The following TNNI1 variants were observed in gnomAD, a reference collection of about 807,000 sequenced individuals.
The protein encoded by TNNI1 is troponin I1, slow skeletal type.
In TNNI1, 14 loss-of-function variants were observed where a neutral mutation model predicts 26.7. The observed-to-expected ratio is 0.52, with a 90% CI of 0.35 to 0.82. The LOEUF (loss-of-function observed/expected upper bound fraction) is 0.82. Among genes scored for constraint, TNNI1 ranks in the 40% least tolerant of loss-of-function variants. The probability of loss-of-function intolerance (pLI) is 0.01; values close to 1 mark genes in which losing one functional copy is unlikely to be tolerated. For synonymous variants in TNNI1, 79 were observed against 98.2 expected, an observed-to-expected ratio of 0.80 and a Z score of 1.16; for missense variants, 164 against 257.0, an observed-to-expected ratio of 0.64 and a Z score of 2.47.
intron 1 of TNNI1, among the ~76,000 whole-genome samples, chr1:201,418,415 C>T (rs1004340166): frequency 2.0e-5 from 3 of 150,696 alleles, no homozygotes; most frequent in Admixed American, 6.6e-5. Flanking sequence ...TTACAGTGAG[C>T]CGAGATCGCA....
intron 3 of TNNI1, 21 bp downstream of exon 3, chr1:201,417,095 G>A: frequency 6.2e-7 from 1 of 1,614,094 alleles, no homozygotes; most frequent in Non-Finnish European, 8.5e-7. Context: ...CCAAGACAGA[G>A]ATACCCCAAA....
intron 1 of TNNI1, among the ~76,000 whole-genome samples, chr1:201,419,537 T>A (rs1662819698): frequency 6.6e-6 from 1 of 152,262 alleles, no homozygotes; most frequent in African/African-American, 2.4e-5. Context: ...TTGGACTTGG[T>A]TCAAGAACCT....
intron 3 of TNNI1, among the ~76,000 whole-genome samples, chr1:201,416,753 T>A (rs557402995): frequency 1.3e-5 from 2 of 152,186 alleles, no homozygotes; most frequent in Non-Finnish European, 2.9e-5. Flanking sequence ...TTGCACAGGA[T>A]CAGCTCTGCA....
chr1:201,419,997 G>A (rs1217170651), intron 1 of TNNI1, among the ~76,000 whole-genome samples: 1 of 152,214 alleles, frequency 6.6e-6, no homozygotes, highest in East Asian at 1.9e-4. Flanking sequence ...GCCACCTCCA[G>A]GCCCATCTGT....
chr1:201,405,574 G>C lies in TNNI1; in HGVS notation c.*3679C>G, dbSNP rs911595361. On this transcript the variant is annotated 3_prime_UTR_variant, in exon 9 of 9. Transcript: ENST00000361379. ...ACTTGTGGGGAGTATGACTCACTTC[G>C]CGGGGGGCCATTGTGGCTAATGTTT... The C allele has an allele frequency of 6.5e-6, 1 of 152,734 alleles. No individual in the cohort carries two copies. Among genetic ancestry groups the C allele is most frequent in the African/African-American group, 2.4e-5 (1 of 41,442 alleles). The allele number at this position is 152,734 out of a possible 1,614,324, so 9.5% of individuals were successfully genotyped here. A position where few individuals can be genotyped will look rare whatever the true frequency, so the allele number is the denominator to read the frequency against.
At chr1:201,417,704 G>A (rs144063338) in intron 2 of TNNI1, 79 bp downstream of exon 2, 6 of 1,229,486 alleles carry the variant, frequency 4.9e-6, no homozygotes, top group Non-Finnish European at 6.3e-6. Flanking sequence ...TGAAAACATG[G>A]TGCCTCCACT....
rs570923464 is a variant in TNNI1 at position 201,411,108 on chromosome 1, T to C, written c.456+249A>G. ...CTGGGAACAAGATTTTTACTTCATTTCTCCGTCTGGGGTCTAGCTTTCTTT... is the reference window on the plus strand; with the variant it reads ...CTGGGAACAAGATTTTTACTTCATTCCTCCGTCTGGGGTCTAGCTTTCTTT... On this transcript the variant is annotated intron_variant, in intron 7 of 8. Coordinates refer to ENST00000361379, the MANE Select transcript of TNNI1 (RefSeq NM_003281.4). The surrounding 1 kb of genome is among the most constrained non-coding windows in gnomAD (Gnocchi z 4.6). 2.0e-5 allele frequency among the ~76,000 whole-genome samples: 3 copies of C among 152,312 alleles called. No homozygotes were observed. The East Asian group carries it at 5.8e-4, about 29-fold the overall frequency.
At chr1:201,416,075 T>G (rs966676041) in intron 3 of TNNI1, among the ~76,000 whole-genome samples, 4 of 152,122 alleles carry the variant, frequency 2.6e-5, no homozygotes, top group African/African-American at 9.7e-5. Context: ...TCAAATGTTA[T>G]TCCAGGGTGT....
At chr1:201,420,485 C>T (rs2102374812) in intron 1 of TNNI1, among the ~76,000 whole-genome samples, 2 of 152,306 alleles carry the variant, frequency 1.3e-5, no homozygotes, top group Admixed American at 1.3e-4. Flanking sequence ...TGGGCTTTCC[C>T]TTCCTTGAGG....
chr1:201,420,694 C>T (rs1662841885), intron 1 of TNNI1, among the ~76,000 whole-genome samples: 1 of 152,096 alleles, frequency 6.6e-6, no homozygotes, highest in Non-Finnish European at 1.5e-5. Flanking sequence ...CCCTGCTCCC[C>T]GCCCCCTGAC....
rs573882830 is a variant in TNNI1 at position 201,404,105 on chromosome 1, A to G, written c.*5148T>C. The G allele has an allele frequency of 6.6e-6, 1 of 152,142 alleles. No homozygotes were observed. Among genetic ancestry groups the G allele is most frequent in the Non-Finnish European group, 1.5e-5 (1 of 68,020 alleles). 9.4% of individuals were successfully genotyped at this position (152,142 alleles called of 1,614,324 possible). A position where few individuals can be genotyped will look rare whatever the true frequency, so the allele number is the denominator to read the frequency against. ...GGAATTCCCTGGTCAAAGTCAGGGAATTTCAAGATTTTTCAGCCAGTGGTT... is the reference window on the plus strand; with the variant it reads ...GGAATTCCCTGGTCAAAGTCAGGGAGTTTCAAGATTTTTCAGCCAGTGGTT... On this transcript the variant is annotated 3_prime_UTR_variant, in exon 9 of 9. Transcript: ENST00000361379.
In TNNI1 at chr1:201,411,963, C is replaced by T. The variant is rs900165475; in HGVS notation, c.280-430G>A. Reference sequence around the variant, plus strand: ...GTGTGGCCCAGTTCCTAACAGGCCACGGACAGGTACTGGTCCACAGCCCAA... The same window carrying T: ...GTGTGGCCCAGTTCCTAACAGGCCATGGACAGGTACTGGTCCACAGCCCAA... On this transcript the variant is annotated intron_variant, in intron 6 of 8. Transcript: ENST00000361379. The surrounding 1 kb of genome is among the most constrained non-coding windows in gnomAD (Gnocchi z 4.6). 2.6e-5 allele frequency among the ~76,000 whole-genome samples: 4 copies of T among 152,188 alleles called. No individual in the cohort carries two copies. Among genetic ancestry groups the T allele is most frequent in the East Asian group, 1.9e-4 (1 of 5,200 alleles).
intron 5 of TNNI1, 22 bp from the exon 6 acceptor site, chr1:201,413,143 T>C (rs1662667752): frequency 1.2e-6 from 2 of 1,613,494 alleles, no homozygotes; most frequent in Non-Finnish European, 1.7e-6. Flanking sequence ...AGATGGATCA[T>C]GCAGGTGTGA....
intron 3 of TNNI1, 108 bp from the exon 4 acceptor site, chr1:201,415,362 A>G (rs1302970551): frequency 1.7e-6 from 2 of 1,173,214 alleles, no homozygotes; most frequent in African/African-American, 1.5e-5. Context: ...CTTTATCCGG[A>G]ATCCTCTGCT....
At position 201,411,291 on chromosome 1, in the gene TNNI1, T is replaced by G. The variant is rs2102369779; in HGVS notation, c.456+66A>C. 4 of 1,570,504 alleles carry G rather than the reference T, an allele frequency of 2.5e-6. No individual in the cohort carries two copies. Among genetic ancestry groups the G allele is most frequent in the Non-Finnish European group, 3.5e-6 (4 of 1,150,060 alleles). On this transcript the variant is annotated intron_variant, in intron 7 of 8. Transcript: ENST00000361379. The surrounding 1 kb of genome is among the most constrained non-coding windows in gnomAD (Gnocchi z 4.6). ...GCTCCTGGGCCAGCCTGAGGCCATG[T>G]GAGGGGTTGACAAGGGGAAAGCTGG...
Position 201,411,440 on chromosome 1 carries a change from G to A in TNNI1, c.373C>T (p.Arg125Trp), listed in dbSNP as rs757767988. 24 of 1,613,674 alleles carry A rather than the reference G, an allele frequency of 1.5e-5. No individual in the cohort carries two copies. Among genetic ancestry groups the A allele is most frequent in the East Asian group, 2.2e-5 (1 of 44,866 alleles). Residue 125 changes from arginine (R) to tryptophan (W), a missense_variant, in exon 7 of 9, where the codon CGG becomes TGG. Arg to Trp is a moderately radical substitution (Grantham distance 101). Around this residue, in one of 3 missense-constraint regions of TNNI1, gnomAD observed 4 missense variants for 24.0 expected, o/e 0.17. Coordinates refer to ENST00000361379, the MANE Select transcript of TNNI1 (RefSeq NM_003281.4). This position sits in a 1 kb window ranked among gnomAD's most constrained non-coding sequence, Gnocchi z 4.6. ...TTGTGCTTGGAGCCCAGCAGGGCCCGGAGCATGGCGTCAGCCGAGACACGG... is the reference window on the plus strand; with the variant it reads ...TTGTGCTTGGAGCCCAGCAGGGCCCAGAGCATGGCGTCAGCCGAGACACGG... ...RVRVSADAMLRALLGSKHKVS... is the reference protein window; with the variant it reads ...RVRVSADAMLWALLGSKHKVS...
chr1:201,417,163 C>A, intron 2 of TNNI1, 44 bp from the exon 3 acceptor site: 1 of 1,613,786 alleles, frequency 6.2e-7, no homozygotes, highest in Non-Finnish European at 8.5e-7. Flanking sequence ...GAGCAGAACA[C>A]AGAGTGAGTA....
At position 201,420,891 on chromosome 1, in the gene TNNI1, C is replaced by T. The variant is rs983229764; in HGVS notation, c.-20+782G>A. 1.1e-4 allele frequency among the ~76,000 whole-genome samples: 17 copies of T among 152,174 alleles called. 1 individual carries two copies. Among genetic ancestry groups the T allele is most frequent in the Admixed American group, 8.5e-4 (13 of 15,290 alleles). On this transcript the variant is annotated intron_variant, in intron 1 of 8. Transcript: ENST00000361379. ...TTCAGCCCCCACCTGAGTCAGGGAC[C>T]GCCACACGGCCCCCTGCCCCAAGCC...
intron 1 of TNNI1, among the ~76,000 whole-genome samples, chr1:201,420,576 AGAGTGT>A (rs1216573623): frequency 6.6e-6 from 1 of 152,038 alleles, no homozygotes; most frequent in African/African-American, 2.4e-5. Context: ...ACTGTGTGTG[AGAGTGT>A]GAGTGTGAGA....
Sources: allele counts gnomAD v4.1 joint callset (sites outside exome capture counted in the v4.1 genomes callset), GRCh38; gene constraint gnomAD v4.1.1; regional missense constraint gnomAD v4.1.1; non-coding constraint Gnocchi (gnomAD v3.1); transcripts MANE v1.5; gene names NCBI Gene and HGNC (gene_info 2026-07-23, HGNC 2026-07-21).